The following CCDC146 variants were observed in gnomAD, a reference collection of about 807,000 sequenced individuals.
The protein encoded by CCDC146 is coiled-coil domain-containing protein 146.
A neutral mutation model predicts 119.3 loss-of-function variants in CCDC146; 92 were observed. The ratio of observed to expected loss-of-function variants is 0.77; its 90% CI spans 0.65 to 0.92. The LOEUF is 0.92. CCDC146 is among the 40% of genes least tolerant of loss of function. The probability of loss-of-function intolerance (pLI) is 0.00; values close to 1 mark genes in which losing one functional copy is unlikely to be tolerated. For synonymous variants in CCDC146, 372 were observed against 371.8 expected, an observed-to-expected ratio of 1.00 and a Z score of -0.01; for missense variants, 1,000 against 1,103.0, an observed-to-expected ratio of 0.91 and a Z score of 1.32.
At position 77,218,316 on chromosome 7, in the gene CCDC146, G is replaced by A. The variant is rs1275847912; in HGVS notation, c.157-18631G>A. Among the ~76,000 whole-genome samples, 11 of 150,316 alleles carry A rather than the reference G, an allele frequency of 7.3e-5. No individual in the cohort carries two copies. The Admixed American group carries it at 7.3e-4, about 10-fold the overall frequency. ...AAATTTTATATATTAAATATTATAT[G>A]CAATAGATACATATGTATGTATATA... On this transcript the variant is annotated intron_variant, in intron 2 of 18. Transcript: ENST00000285871.
chr7:77,241,182 C>T (rs371294915), intron 3 of CCDC146, among the ~76,000 whole-genome samples: 40 of 149,104 alleles, frequency 2.7e-4, no homozygotes, highest in African/African-American at 8.8e-4. Flanking sequence ...CTCAGCCTCC[C>T]GAGTAGCTGG....
At chr7:77,272,010 CA>C (rs1793533563) in intron 9 of CCDC146, among the ~76,000 whole-genome samples, 2 of 152,188 alleles carry the variant, frequency 1.3e-5, no homozygotes, top group Non-Finnish European at 2.9e-5. Context: ...CCACTCCAGG[CA>C]CACCTGTAGC....
At chr7:77,218,613 C>A (rs1174366402) in intron 2 of CCDC146, among the ~76,000 whole-genome samples, 4 of 149,284 alleles carry the variant, frequency 2.7e-5, no homozygotes, top group Non-Finnish European at 6.0e-5. Context: ...TCTACCAATT[C>A]TCTTTTTTTT....
At chr7:77,171,488 C>T (rs1410854353) in intron 2 of CCDC146, among the ~76,000 whole-genome samples, 1 of 152,240 alleles carries the variant, frequency 6.6e-6, no homozygotes, top group Non-Finnish European at 1.5e-5. Flanking sequence ...CCCATAGCTG[C>T]TCTCTCACTC....
chr7:77,126,876 C>A (rs1790695995), intron 1 of CCDC146, among the ~76,000 whole-genome samples: 1 of 152,052 alleles, frequency 6.6e-6, no homozygotes, highest in African/African-American at 2.4e-5. Context: ...AGCAGTTGGC[C>A]CCCAGCCTTC....
At chr7:77,258,336 G>A (rs1156793617) in intron 6 of CCDC146, among the ~76,000 whole-genome samples, 1 of 152,122 alleles carries the variant, frequency 6.6e-6, no homozygotes, top group African/African-American at 2.4e-5. Flanking sequence ...AGTCACCCCT[G>A]CAGCATTTGA....
Position 77,146,815 on chromosome 7 carries a change from C to T in CCDC146, c.-11-20843C>T, listed in dbSNP as rs573112112. 1.5e-4 allele frequency among the ~76,000 whole-genome samples: 23 copies of T among 152,214 alleles called. 1 individual carries two copies. The highest frequency in any genetic ancestry group is 5.8e-4 in the East Asian group (3 of 5,188). Reference sequence around the variant, plus strand: ...GATGGGTTTCCCTTTGTGGGTAACCCGACCTTTCTCTCTGGCTGCCCTTAA... The same window carrying T: ...GATGGGTTTCCCTTTGTGGGTAACCTGACCTTTCTCTCTGGCTGCCCTTAA... On this transcript the variant is annotated intron_variant, in intron 1 of 18. Coordinates refer to ENST00000285871, the MANE Select transcript of CCDC146 (RefSeq NM_020879.3).
chr7:77,196,575 C>T lies in CCDC146; in HGVS notation c.156+28751C>T, dbSNP rs1205279053. On this transcript the variant is annotated intron_variant, in intron 2 of 18. Coordinates refer to ENST00000285871, the MANE Select transcript of CCDC146 (RefSeq NM_020879.3). The surrounding 1 kb of genome is among the most constrained non-coding windows in gnomAD (Gnocchi z 4.2). ...TTGTAATGTTTGTTGAAACGTAATGCATCTCCAGCTGTGCCATTATAGTTA... is the reference window on the plus strand; with the variant it reads ...TTGTAATGTTTGTTGAAACGTAATGTATCTCCAGCTGTGCCATTATAGTTA... The T allele has an allele frequency of 1.2e-6, 2 of 1,614,006 alleles. No homozygotes were observed. Among genetic ancestry groups the T allele is most frequent in the Admixed American group, 3.3e-5 (2 of 60,006 alleles).
In CCDC146 at chr7:77,140,006, T is replaced by C. The variant is rs1217099242; in HGVS notation, c.-12+17274T>C. ...GCCTCCTGGGTTCAAGCCATTCTCC[T>C]GCCTCAGCCTCCCCAGTAGCTGGGA... On this transcript the variant is annotated intron_variant, in intron 1 of 18. Transcript: ENST00000285871. Among the ~76,000 whole-genome samples, 6 of 152,176 alleles carry C rather than the reference T, an allele frequency of 3.9e-5. No individual in the cohort carries two copies. In the East Asian group the frequency reaches 7.7e-4, roughly 20 times the overall value.
chr7:77,163,843 C>T (rs1317757371), intron 1 of CCDC146, among the ~76,000 whole-genome samples: 7 of 139,852 alleles, frequency 5.0e-5, no homozygotes, highest in African/African-American at 1.1e-4. Flanking sequence ...GTTTTTCTTT[C>T]TTTCTTTCTT....
At chr7:77,287,823 C>T (rs1407766474) in intron 17 of CCDC146, among the ~76,000 whole-genome samples, 1 of 152,182 alleles carries the variant, frequency 6.6e-6, no homozygotes, top group Non-Finnish European at 1.5e-5. Flanking sequence ...TTTCACTTAC[C>T]AAGGCAACTA....
chr7:77,282,289 A>T (rs1793778349), intron 14 of CCDC146: 1 of 341,790 alleles, frequency 2.9e-6, no homozygotes, highest in Non-Finnish European at 5.3e-6. Context: ...TTCCCACCCC[A>T]GGAAAACCTT....
At chr7:77,234,291 T>G (rs977027115) in intron 2 of CCDC146, among the ~76,000 whole-genome samples, 1 of 151,604 alleles carries the variant, frequency 6.6e-6, no homozygotes, top group South Asian at 2.1e-4. Context: ...AAAGCCATAG[T>G]AACTATGGTC....
chr7:77,161,054 T>C (rs1303288688), intron 1 of CCDC146, among the ~76,000 whole-genome samples: 1 of 152,230 alleles, frequency 6.6e-6, no homozygotes, highest in Admixed American at 6.5e-5. Flanking sequence ...CATCACTGGC[T>C]ATCAGAGAAG....
intron 5 of CCDC146, among the ~76,000 whole-genome samples, chr7:77,254,977 C>T (rs1467602786): frequency 6.6e-6 from 1 of 152,196 alleles, no homozygotes; most frequent in Non-Finnish European, 1.5e-5. Context: ...AACTTAGTGG[C>T]TTAAAACAAC....
At chr7:77,187,831 A>G (rs1271742275) in intron 2 of CCDC146, among the ~76,000 whole-genome samples, 1 of 152,214 alleles carries the variant, frequency 6.6e-6, no homozygotes, top group Non-Finnish European at 1.5e-5. Context: ...AGCTAGAAGA[A>G]GAATCTACTG....
At chr7:77,278,907 A>G (rs1415097085) in intron 12 of CCDC146, 30 bp from the exon 13 acceptor site, 1 of 1,602,596 alleles carries the variant, frequency 6.2e-7, no homozygotes, top group East Asian at 2.2e-5. Flanking sequence ...TCATTTCATA[A>G]GTTTCAGTAA....
intron 1 of CCDC146, among the ~76,000 whole-genome samples, chr7:77,154,214 G>T (rs1791147641): frequency 6.6e-6 from 1 of 151,868 alleles, no homozygotes; most frequent in Non-Finnish European, 1.5e-5. Context: ...TGTTCTATGT[G>T]GTACTATGGA....
intron 16 of CCDC146, 103 bp from the exon 17 acceptor site, chr7:77,287,337 G>A (rs1793865854): frequency 8.2e-7 from 1 of 1,214,462 alleles, no homozygotes; most frequent in African/African-American, 1.5e-5. Context: ...CTTTCCAGAG[G>A]TATTTTGTGG....
Sources: gnomAD v4.1 joint callset for allele counts (sites outside exome capture counted in the v4.1 genomes callset) on GRCh38, gnomAD v4.1.1 for gene constraint, Gnocchi (gnomAD v3.1) non-coding constraint, MANE v1.5 for transcripts, NCBI Gene and HGNC (gene_info 2026-07-23, HGNC 2026-07-21) for gene names.